ASB3: variants seen among roughly 807,000 people sequenced by gnomAD.
The protein encoded by ASB3 is ankyrin repeat and SOCS box containing 3.
In ASB3, 41 loss-of-function variants were observed where a neutral mutation model predicts 54.5. The observed-to-expected ratio is 0.75, with a 90% CI of 0.59 to 0.98. The LOEUF (loss-of-function observed/expected upper bound fraction) is 0.98. Ranked by LOEUF, ASB3 falls within the 50% of genes least tolerant of loss-of-function variation. The pLI is 0.00. For synonymous variants in ASB3, 266 were observed against 221.2 expected (o/e 1.20, Z -1.80); for missense variants, 733 against 620.0 (o/e 1.18, Z -1.94).
intron 9 of ASB3, among the ~76,000 whole-genome samples, chr2:53,692,030 G>C (rs1668944137): frequency 6.6e-6 from 1 of 152,176 alleles, no homozygotes; most frequent in African/African-American, 2.4e-5. Context: ...CTTTAGTGTA[G>C]GAGGCTGTCT....
At chr2:53,749,966 G>A (rs986639061) in intron 3 of ASB3, among the ~76,000 whole-genome samples, 2 of 151,632 alleles carry the variant, frequency 1.3e-5, no homozygotes, top group Non-Finnish European at 2.9e-5. Flanking sequence ...AGTCCACAAG[G>A]AAAAAAAGTA....
chr2:53,733,860 G>A (rs892927449), intron 3 of ASB3, among the ~76,000 whole-genome samples: 5 of 152,148 alleles, frequency 3.3e-5, no homozygotes, highest in East Asian at 1.9e-4. Flanking sequence ...ATTTACCCAC[G>A]TATTTATTAA....
At chr2:53,777,052 C>T (rs1674378825) in intron 1 of ASB3, among the ~76,000 whole-genome samples, 1 of 152,114 alleles carries the variant, frequency 6.6e-6, no homozygotes, top group Non-Finnish European at 1.5e-5. Flanking sequence ...ATTTCAGTTT[C>T]ATTTTCTTGG....
At chr2:53,770,855 G>C (rs1382729440) in intron 1 of ASB3, among the ~76,000 whole-genome samples, 1 of 152,104 alleles carries the variant, frequency 6.6e-6, no homozygotes, top group Non-Finnish European at 1.5e-5. Flanking sequence ...ATAGGGCAAA[G>C]TAAAGTTCAT....
intron 5 of ASB3, among the ~76,000 whole-genome samples, chr2:53,725,949 G>A (rs1001528295): frequency 6.6e-6 from 1 of 151,660 alleles, no homozygotes; most frequent in Non-Finnish European, 1.5e-5. Flanking sequence ...TTTTTAATGC[G>A]TTATTTTGAG....
chr2:53,763,236 G>A (rs1673244835), intron 2 of ASB3, among the ~76,000 whole-genome samples: 2 of 152,218 alleles, frequency 1.3e-5, no homozygotes, highest in African/African-American at 4.8e-5. Context: ...GTGTGCACCT[G>A]TAGTCCCAGC....
rs377453520 is a variant in ASB3 at position 53,712,602 on chromosome 2, CA to C, written c.980+1781del. ...TAATTTTAAGGTGTTTCAGAGTTAA[CA>C]GGGGTACTACATTATATGGCTTAAT... On this transcript the variant is annotated intron_variant, in intron 7 of 9. Coordinates refer to ENST00000263634, the MANE Select transcript of ASB3 (RefSeq NM_016115.5). 8.4e-4 allele frequency among the ~76,000 whole-genome samples: 128 copies of C among 152,268 alleles called. 2 individuals carry two copies. The East Asian group carries it at 0.022, about 26-fold the overall frequency.
intron 3 of ASB3, among the ~76,000 whole-genome samples, chr2:53,749,418 T>C (rs1346205911): frequency 1.3e-5 from 2 of 152,106 alleles, no homozygotes; most frequent in East Asian, 3.9e-4. Context: ...AAGTTAAACA[T>C]ATATTTACCA....
At chr2:53,774,597 T>G in intron 1 of ASB3, 1 of 1,131,854 alleles carries the variant, frequency 8.8e-7, no homozygotes, top group South Asian at 1.8e-5. Flanking sequence ...TTAAAGATCT[T>G]ATTTTTAATG....
At position 53,726,519 on chromosome 2, in the gene ASB3, C is replaced by G. The variant is rs150217629; in HGVS notation, c.604+2193G>C. On this transcript the variant is annotated intron_variant, in intron 5 of 9. Coordinates refer to ENST00000263634, the MANE Select transcript of ASB3 (RefSeq NM_016115.5). Reference sequence around the variant, plus strand: ...CAGGCAATCTGCCCACCTTGGCCTCCCAAAGTGTTGGGATTACAGGCATGA... The same window carrying G: ...CAGGCAATCTGCCCACCTTGGCCTCGCAAAGTGTTGGGATTACAGGCATGA... Among the ~76,000 whole-genome samples, 1,200 of 151,318 alleles carry G rather than the reference C, an allele frequency of 7.9e-3. 16 individuals are homozygous for G. Among genetic ancestry groups the G allele is most frequent in the African/African-American group, 0.027 (1,127 of 41,248 alleles).
At chr2:53,782,415 G>T (rs1674701026) in intron 1 of ASB3, among the ~76,000 whole-genome samples, 1 of 152,060 alleles carries the variant, frequency 6.6e-6, no homozygotes, top group African/African-American at 2.4e-5. Context: ...ATTCTTGCCA[G>T]CAGAGCCTGG....
chr2:53,765,538 G>C lies in ASB3; in HGVS notation c.35C>G (p.Ser12Cys), dbSNP rs146004165. 205 of 1,614,052 alleles carry C rather than the reference G, an allele frequency of 1.3e-4. No homozygotes were observed. The highest frequency in any genetic ancestry group is 1.3e-4 in the Non-Finnish European group (155 of 1,180,034). Residue 12 changes from serine to cysteine, a missense_variant, in exon 2 of 10, where the codon TCT (serine) becomes TGT (cysteine). By Grantham distance (112) the Ser-to-Cys change is moderately radical. Coordinates refer to ENST00000263634, the MANE Select transcript of ASB3 (RefSeq NM_016115.5). The part of the protein sequence containing the change: ...DFTEAYADTC[S>C]TVGLAAREGN... ...TTCCCTGGCAGCAAGTCCAACTGTA[G>C]AGCACGTGTCCGCGTAAGCCTCTGT... is the stretch of plus-strand genomic sequence containing the variant.
At chr2:53,725,144 A>T (rs537900014) in intron 5 of ASB3, among the ~76,000 whole-genome samples, 88 of 152,248 alleles carry the variant, frequency 5.8e-4, no homozygotes, top group Admixed American at 1.6e-3. Context: ...AGCAACATGG[A>T]TGCAGCTGGA....
intron 7 of ASB3, among the ~76,000 whole-genome samples, chr2:53,702,847 T>A (rs1375337078): frequency 6.6e-6 from 1 of 152,226 alleles, no homozygotes; most frequent in East Asian, 1.9e-4. Flanking sequence ...CTTCAGCATT[T>A]TATGTTCAAT....
intron 3 of ASB3, among the ~76,000 whole-genome samples, chr2:53,731,578 C>T (rs760665823): frequency 1.3e-5 from 2 of 152,128 alleles, no homozygotes; most frequent in South Asian, 2.1e-4. Context: ...TTTGTATAAA[C>T]GATCTAAAGT....
chr2:53,767,051 G>A (rs1673511173), intron 1 of ASB3, among the ~76,000 whole-genome samples: 1 of 152,086 alleles, frequency 6.6e-6, no homozygotes, highest in Non-Finnish European at 1.5e-5. Context: ...TTGACCCCTT[G>A]GAGAAACTCA....
chr2:53,688,120 T>C (rs1668728500), intron 9 of ASB3, among the ~76,000 whole-genome samples: 1 of 152,200 alleles, frequency 6.6e-6, no homozygotes, highest in South Asian at 2.1e-4. Flanking sequence ...CCTGGCCTAT[T>C]TGTTGTTTTT....
At chr2:53,696,452 A>C (rs1232475263) in intron 8 of ASB3, among the ~76,000 whole-genome samples, 1 of 152,072 alleles carries the variant, frequency 6.6e-6, no homozygotes, top group Non-Finnish European at 1.5e-5. Context: ...TAAGAGAATA[A>C]AGCTAAATAA....
chr2:53,778,252 G>C (rs1240294182), intron 1 of ASB3, among the ~76,000 whole-genome samples: 1 of 151,042 alleles, frequency 6.6e-6, no homozygotes, highest in Admixed American at 6.6e-5. Context: ...GCAAACTGAA[G>C]CCCAATGTAA....
Sources: allele counts gnomAD v4.1 joint callset (sites outside exome capture counted in the v4.1 genomes callset), GRCh38; gene constraint gnomAD v4.1.1; transcripts MANE v1.5; gene names NCBI Gene and HGNC (gene_info 2026-07-23, HGNC 2026-07-21).